The following UBXN8 variants were observed in gnomAD, a reference collection of about 807,000 sequenced individuals.
UBXN8 encodes the protein UBX domain-containing protein 8.
In UBXN8, 27 loss-of-function variants were observed where a neutral mutation model predicts 32.1. That is an observed-to-expected ratio of 0.84 (90% CI 0.62 to 1.16). The LOEUF is 1.16. Among genes scored for constraint, UBXN8 ranks in the 50% most tolerant of loss-of-function variants. UBXN8 has a pLI of 0.00. For missense variants in UBXN8, 306 were observed against 311.4 expected (o/e 0.98, Z 0.13); for synonymous variants, 109 against 111.8 (o/e 0.98, Z 0.16).
upstream of UBXN8, among the ~76,000 whole-genome samples, chr8:30,740,051 G>A (rs1229965678): frequency 6.6e-6 from 1 of 152,044 alleles, no homozygotes; most frequent in East Asian, 1.9e-4. Context: ...ACAGGTGCAT[G>A]CCACCACACC....
intron 5 of UBXN8, among the ~76,000 whole-genome samples, chr8:30,759,094 C>T (rs545349210): frequency 2.6e-5 from 4 of 151,904 alleles, no homozygotes; most frequent in East Asian, 1.9e-4. Flanking sequence ...AGGGTTCCAT[C>T]GTGTTGGCCA....
At chr8:30,763,591 C>G (rs997512720) in intron 7 of UBXN8, among the ~76,000 whole-genome samples, 15 of 152,250 alleles carry the variant, frequency 9.9e-5, no homozygotes, top group Admixed American at 8.5e-4. Context: ...TGTATTTTTC[C>G]TTTGTTGTTT....
chr8:30,757,157 TA>T (rs1321145386), intron 5 of UBXN8, among the ~76,000 whole-genome samples: 558 of 124,382 alleles, frequency 4.5e-3, no homozygotes, highest in Admixed American at 6.4e-3. Flanking sequence ...CATCTCTATT[TA>T]AAAAAAAAAA....
intron 7 of UBXN8, among the ~76,000 whole-genome samples, chr8:30,764,271 C>T (rs568666861): frequency 1.3e-5 from 2 of 152,050 alleles, no homozygotes; most frequent in Non-Finnish European, 2.9e-5. Context: ...ATAAAAATTC[C>T]GGCCAGGTGC....
At chr8:30,753,146 C>G in intron 3 of UBXN8, 41 bp downstream of exon 3, 1 of 1,442,280 alleles carries the variant, frequency 6.9e-7, no homozygotes, top group South Asian at 1.6e-5. Context: ...TAGAGAAATA[C>G]AAAAATCTCT....
At chr8:30,758,055 C>A (rs1805710722) in intron 5 of UBXN8, among the ~76,000 whole-genome samples, 1 of 151,668 alleles carries the variant, frequency 6.6e-6, no homozygotes, top group Non-Finnish European at 1.5e-5. Flanking sequence ...ACCACCCCAC[C>A]CAGCTAATTT....
rs185807955 is a variant in UBXN8, at chr8:30,759,717, G to T, written c.529-1171G>T. On this transcript the variant is annotated intron_variant, in intron 5 of 7. Coordinates refer to ENST00000265616, the MANE Select transcript of UBXN8 (RefSeq NM_005671.4). ...CACGCCTGTAATCCCAGGACTTTGG[G>T]AGGCTGAGGCAGGCGGATCACAAGG... is the stretch of plus-strand genomic sequence containing the variant. Among the ~76,000 whole-genome samples, 584 of 151,628 alleles carry T rather than the reference G, an allele frequency of 3.9e-3. 2 individuals are homozygous for T. Among genetic ancestry groups the T allele is most frequent in the African/African-American group, 0.013 (538 of 41,430 alleles).
At chr8:30,746,287 A>G (rs1215231249) in intron 1 of UBXN8, among the ~76,000 whole-genome samples, 1 of 151,246 alleles carries the variant, frequency 6.6e-6, no homozygotes, top group Non-Finnish European at 1.5e-5. Flanking sequence ...TTTTTTTAAT[A>G]TATATTTTTT....
upstream of UBXN8, among the ~76,000 whole-genome samples, chr8:30,730,669 T>G (rs6991433): frequency 0.28 from 42,128 of 152,132 alleles, 7,093 homozygotes; most frequent in African/African-American, 0.48. Flanking sequence ...CGTTAATAAG[T>G]TCTCTGAGGT....
rs948159110 is a variant in UBXN8 at position 30,760,928 on chromosome 8, A to C, written c.569A>C (p.Glu190Ala). 1 of 1,528,856 alleles carries C rather than the reference A, an allele frequency of 6.5e-7. No individual in the cohort carries two copies. Among genetic ancestry groups the C allele is most frequent in the Non-Finnish European group, 8.8e-7 (1 of 1,134,108 alleles). The allele number at this position is 1,528,856 out of a possible 1,614,324, so 94.7% of individuals were successfully genotyped here. Reference protein sequence around the residue: ...LPEEPSQTAEEVVTVALRCPS... With the variant: ...LPEEPSQTAEAVVTVALRCPS... ...GAAGAACCTTCTCAAACAGCAGAAG[A>C]AGTAAGTCTATTTTTCTCTTCGAAA... Residue 190 changes from glutamate (E) to alanine (A), a missense_variant and splice_region_variant, in exon 6 of 8, where the codon GAA becomes GCA. By Grantham distance (107) the Glu-to-Ala change is moderately radical. Transcript: ENST00000265616.
chr8:30,748,651 C>T (rs550886662), intron 1 of UBXN8, among the ~76,000 whole-genome samples: 63 of 152,058 alleles, frequency 4.1e-4, no homozygotes, highest in Non-Finnish European at 7.2e-4. Flanking sequence ...AGTGATTCTC[C>T]TGCCTCAGCC....
At position 30,758,602 on chromosome 8, in the gene UBXN8, G is replaced by A. The variant is rs562442689; in HGVS notation, c.528+1715G>A. On this transcript the variant is annotated intron_variant, in intron 5 of 7. Transcript: ENST00000265616. The stretch of plus-strand genomic sequence containing the variant: ...TTCCTGGTCCCATAGTGGAGATTGA[G>A]CAGGGGAATCAGATTATTGAACTAT... 5.9e-5 allele frequency among the ~76,000 whole-genome samples: 9 copies of A among 152,318 alleles called. No individual in the cohort carries two copies. The East Asian group carries it at 1.2e-3, about 20-fold the overall frequency.
chr8:30,729,193 A>G (rs1349159723), upstream of UBXN8, among the ~76,000 whole-genome samples: 3 of 152,184 alleles, frequency 2.0e-5, no homozygotes, highest in Admixed American at 1.3e-4. Flanking sequence ...CGCCAGCTTG[A>G]GCGACGCGGA....
At chr8:30,755,111 A>G (rs1805622060) in intron 4 of UBXN8, among the ~76,000 whole-genome samples, 1 of 151,762 alleles carries the variant, frequency 6.6e-6, no homozygotes, top group Admixed American at 6.6e-5. Context: ...GCCTGCCACC[A>G]TGCCCAGCTA....
At chr8:30,762,354 G>A (rs1486054673) in intron 6 of UBXN8, among the ~76,000 whole-genome samples, 1 of 151,790 alleles carries the variant, frequency 6.6e-6, no homozygotes, top group Non-Finnish European at 1.5e-5. Flanking sequence ...GGGATTATAG[G>A]TGTGAGTCAC....
chr8:30,754,148 G>A (rs1019886241), intron 3 of UBXN8: 1 of 186,608 alleles, frequency 5.4e-6, no homozygotes, highest in Non-Finnish European at 1.1e-5. Flanking sequence ...ACTGAGGCAG[G>A]ACAATCACTT....
intron 4 of UBXN8, among the ~76,000 whole-genome samples, chr8:30,755,759 A>AG (rs1217892620): frequency 2.5e-5 from 2 of 78,470 alleles, no homozygotes; most frequent in Non-Finnish European, 6.6e-5. Context: ...CCCTTTCTCC[A>AG]GAAAAAAAAA....
chr8:30,766,564 T>TTATTA lies in UBXN8; in HGVS notation c.*170_*171insTATTA. 1 of 623,702 alleles carries TTATTA rather than the reference T, an allele frequency of 1.6e-6. No individual in the cohort carries two copies. The highest frequency in any genetic ancestry group is 3.5e-5 in the East Asian group (1 of 28,872). 38.6% of individuals were successfully genotyped at this position (623,702 alleles called of 1,614,324 possible). On this transcript the variant is annotated 3_prime_UTR_variant, in exon 8 of 8. Transcript: ENST00000265616. ...TTAGAAAAGGATTGCTTTCTATATA[T>TTATTA]AATAATCTGTGGACTGTGCCATTTT... is the stretch of plus-strand genomic sequence containing the variant.
chr8:30,761,285 C>T (rs1330972087), intron 6 of UBXN8, among the ~76,000 whole-genome samples: 13 of 151,906 alleles, frequency 8.6e-5, no homozygotes, highest in Non-Finnish European at 1.5e-5. Flanking sequence ...GCTCTTGTCA[C>T]CCAGGCTAGA....
Sources: gnomAD v4.1 joint callset for allele counts (sites outside exome capture counted in the v4.1 genomes callset) on GRCh38, gnomAD v4.1.1 for gene constraint, MANE v1.5 for transcripts, NCBI Gene and HGNC (gene_info 2026-07-23, HGNC 2026-07-21) for gene names.